MYOM1: variants seen among roughly 807,000 people sequenced by gnomAD.
MYOM1 encodes myomesin-1.
In MYOM1, 164 loss-of-function variants were observed where a neutral mutation model predicts 205.3. The observed-to-expected ratio is 0.80, with a 90% CI of 0.70 to 0.91. The LOEUF is 0.91. Among genes scored for constraint, MYOM1 ranks in the 40% least tolerant of loss-of-function variants. The pLI, the probability that MYOM1 is intolerant of heterozygous loss-of-function variation, is 0.00. For synonymous variants in MYOM1, 772 were observed against 789.4 expected, an observed-to-expected ratio of 0.98 and a Z score of 0.37; for missense variants, 2,011 against 2,127.3, an observed-to-expected ratio of 0.95 and a Z score of 1.08.
chr18:3,234,459 T>C, the MYOM1 span, among the ~76,000 whole-genome samples: 5 of 152,202 alleles, frequency 3.3e-5, no homozygotes, highest in African/African-American at 4.8e-5. Context: ...TGTTACAAGA[T>C]TGTGGAATTA....
chr18:3,183,911 T>C (rs866976934), intron 5 of MYOM1, among the ~76,000 whole-genome samples: 7 of 139,262 alleles, frequency 5.0e-5, no homozygotes, highest in African/African-American at 8.9e-5. Context: ...TTCTCTCTCT[T>C]TTTTTTTTTT....
intron 28 of MYOM1, 60 bp downstream of exon 28, chr18:3,089,477 C>G: frequency 7.9e-7 from 1 of 1,269,828 alleles, no homozygotes. Flanking sequence ...TGGAAATAAC[C>G]TTGGAATCTT....
rs1021340882 is a variant in MYOM1 at position 3,135,194 on chromosome 18, C to A, written c.2209+353G>T. On this transcript the variant is annotated intron_variant, in intron 15 of 37. Transcript: ENST00000356443. The surrounding 1 kb of genome is among the most constrained non-coding windows in gnomAD (Gnocchi z 4.1). Reference sequence around the variant, plus strand: ...CAAACTCTTGGACTCAGGTGATCTGCCTGCCTCGGCCTCCCAAAGTGCTCA... The same window carrying A: ...CAAACTCTTGGACTCAGGTGATCTGACTGCCTCGGCCTCCCAAAGTGCTCA... 1.4e-5 allele frequency: 4 copies of A among 279,254 alleles called. No homozygotes were observed. Among genetic ancestry groups the A allele is most frequent in the Non-Finnish European group, 2.7e-5 (4 of 146,226 alleles). 17.3% of individuals were successfully genotyped at this position (279,254 alleles called of 1,614,324 possible).
chr18:3,203,185 T>G (rs1358260025), intron 2 of MYOM1, among the ~76,000 whole-genome samples: 3 of 151,108 alleles, frequency 2.0e-5, no homozygotes, highest in Non-Finnish European at 4.4e-5. Context: ...GTGTTTATAT[T>G]AGAAAAGAAG....
chr18:3,240,296 A>G, the MYOM1 span, among the ~76,000 whole-genome samples: 68 of 152,338 alleles, frequency 4.5e-4, no homozygotes, highest in African/African-American at 1.5e-3. Context: ...AGCCAGTGAT[A>G]TGGTTTGGCT....
At chr18:3,228,759 A>C in the MYOM1 span, among the ~76,000 whole-genome samples, 2 of 152,142 alleles carry the variant, frequency 1.3e-5, no homozygotes, top group African/African-American at 4.8e-5. The surrounding 1 kb of genome is among the most constrained non-coding windows in gnomAD (Gnocchi z 4.5). Context: ...TCTGCAGTTA[A>C]TCCTGGGTCC....
intron 36 of MYOM1, 63 bp downstream of exon 36, chr18:3,075,391 T>G (rs2079009535): frequency 2.7e-6 from 4 of 1,501,454 alleles, no homozygotes; most frequent in Non-Finnish European, 3.7e-6. Context: ...AATAGCAAAA[T>G]AAAATTATCT....
rs751819067 is a variant in MYOM1 at position 3,084,035 on chromosome 18, G to C, written c.4340-8C>G. On this transcript the variant is annotated splice_region_variant and splice_polypyrimidine_tract_variant and intron_variant, in intron 31 of 37. Transcript: ENST00000356443. Reference sequence around the variant, plus strand: ...TCATCAGTTCCTTAAAGGCTGTGGAGAGAGATTCAGAGCCAAAACTTTAGC... The same window carrying C: ...TCATCAGTTCCTTAAAGGCTGTGGACAGAGATTCAGAGCCAAAACTTTAGC... 65 of 1,574,152 alleles carry C rather than the reference G, an allele frequency of 4.1e-5. No individual in the cohort carries two copies. The highest frequency in any genetic ancestry group is 1.5e-5 in the Non-Finnish European group (17 of 1,158,014).
At chr18:3,100,119 A>C in intron 25 of MYOM1, 40 bp downstream of exon 25, 1 of 1,609,864 alleles carries the variant, frequency 6.2e-7, no homozygotes, top group Non-Finnish European at 8.5e-7. Context: ...GCTGCCTAGT[A>C]AGACTGCTAA....
intron 5 of MYOM1, among the ~76,000 whole-genome samples, chr18:3,181,975 C>G (rs1055521880): frequency 1.3e-5 from 2 of 152,112 alleles, no homozygotes; most frequent in African/African-American, 2.4e-5. Context: ...CTCAGGTAAT[C>G]CGCCCGACTC....
chr18:3,182,228 C>A (rs1343730471), intron 5 of MYOM1, among the ~76,000 whole-genome samples: 1 of 151,422 alleles, frequency 6.6e-6, no homozygotes, highest in East Asian at 1.9e-4. Context: ...CAAATTCAAT[C>A]TAGGCTTCAG....
chr18:3,159,611 CG>C (rs958062427), intron 10 of MYOM1, among the ~76,000 whole-genome samples: 7 of 151,900 alleles, frequency 4.6e-5, no homozygotes, highest in African/African-American at 1.7e-4. Flanking sequence ...AGCGGGTGAA[CG>C]TATAGGCAAA....
intron 8 of MYOM1, among the ~76,000 whole-genome samples, chr18:3,170,003 A>G (rs2080533085): frequency 1.3e-5 from 2 of 152,236 alleles, no homozygotes; most frequent in Admixed American, 1.3e-4. Context: ...AACAACATAG[A>G]TGGAACTAGA....
the MYOM1 span, among the ~76,000 whole-genome samples, chr18:3,227,988 CAG>C: frequency 4.6e-3 from 698 of 151,920 alleles, 10 homozygotes; most frequent in African/African-American, 0.016. Flanking sequence ...ACGCAGGAGT[CAG>C]AGATTTTACC....
chr18:3,167,634 T>C (rs530263889), intron 9 of MYOM1, among the ~76,000 whole-genome samples: 2 of 152,194 alleles, frequency 1.3e-5, no homozygotes, highest in East Asian at 3.9e-4. Flanking sequence ...ATCTGCCCAC[T>C]TCAGCCTCCC....
In MYOM1 at chr18:3,183,032, C is replaced by G. The variant is rs193209775; in HGVS notation, c.929+4448G>C. Among the ~76,000 whole-genome samples, 7 of 148,234 alleles carry G rather than the reference C, an allele frequency of 4.7e-5. No individual in the cohort carries two copies. The East Asian group carries it at 1.5e-3, about 31-fold the overall frequency. ...GCAACCTCCGCCTTCCGCGTTCCAT[C>G]GATTCTCCTGCCTCAGCCTCCCCAG... On this transcript the variant is annotated intron_variant, in intron 5 of 37. Coordinates refer to ENST00000356443, the MANE Select transcript of MYOM1 (RefSeq NM_003803.4).
chr18:3,143,083 T>C (rs765256801), intron 13 of MYOM1, among the ~76,000 whole-genome samples: 1 of 152,124 alleles, frequency 6.6e-6, no homozygotes, highest in Non-Finnish European at 1.5e-5. Flanking sequence ...AGCTACACAA[T>C]GCATATCATA....
chr18:3,116,850 T>C (rs1267534578), intron 20 of MYOM1, among the ~76,000 whole-genome samples: 1 of 152,028 alleles, frequency 6.6e-6, no homozygotes, highest in Non-Finnish European at 1.5e-5. Context: ...AGCTGCAGAT[T>C]CATATTTTTT....
intron 20 of MYOM1, among the ~76,000 whole-genome samples, chr18:3,117,666 T>C (rs1190897991): frequency 6.6e-6 from 1 of 152,316 alleles, no homozygotes. Context: ...TTCCTTTTTT[T>C]TTTTTTAAAT....
Sources: gnomAD v4.1 joint callset for allele counts (sites outside exome capture counted in the v4.1 genomes callset) on GRCh38, gnomAD v4.1.1 for gene constraint, Gnocchi (gnomAD v3.1) non-coding constraint, MANE v1.5 for transcripts, NCBI Gene and HGNC (gene_info 2026-07-23, HGNC 2026-07-21) for gene names.